OBSL1: variants seen among roughly 807,000 people sequenced by gnomAD.
The protein encoded by OBSL1 is obscurin like cytoskeletal adaptor 1.
OBSL1 carries 160 observed loss-of-function variants against 172.0 expected under a neutral mutation model. The observed-to-expected ratio is 0.93, with a 90% confidence interval of 0.82 to 1.06. OBSL1 has a LOEUF of 1.06. Ranked by LOEUF, OBSL1 falls within the 50% of genes least tolerant of loss-of-function variation. OBSL1 has a pLI of 0.00. For missense variants in OBSL1, 2,681 were observed against 2,715.4 expected (o/e 0.99, Z 0.28); for synonymous variants, 1,200 against 1,196.3 (o/e 1.00, Z -0.06).
chr2:219,558,373 C>A lies in OBSL1; in HGVS notation c.3313G>T (p.Val1105Leu), dbSNP rs746812963. 1 of 1,611,226 alleles carries A rather than the reference C, an allele frequency of 6.2e-7. No individual in the cohort carries two copies. Among genetic ancestry groups the A allele is most frequent in the East Asian group, 2.2e-5 (1 of 44,808 alleles). The change falls in exon 10 of 21, where the codon GTG becomes TTG. Residue 1105 changes from valine to leucine, a missense_variant. Val to Leu is a conservative substitution (Grantham distance 32). Around this residue, in one of 5 missense-constraint regions of OBSL1, gnomAD observed 1,765 missense variants for 1,748.3 expected, o/e 1.01. Transcript: ENST00000404537. ...CGCACCTGAGACCCAGCTGGGGCCA[C>A]CTCACAGCGCAGCTCCACGCGCCCT... ...APGRVELRCEVAPAGSQVRWY... is the reference protein window; with the variant it reads ...APGRVELRCELAPAGSQVRWY...
downstream of OBSL1, chr2:219,549,983 A>T: frequency 8.0e-7 from 1 of 1,257,160 alleles, no homozygotes; most frequent in Non-Finnish European, 1.1e-6. Flanking sequence ...CCTGGTCACT[A>T]GAAGGGAGGA....
intron 9 of OBSL1, 22 bp from the exon 10 acceptor site, chr2:219,558,481 G>T: frequency 6.5e-7 from 1 of 1,542,548 alleles, no homozygotes. Context: ...GCATGGAGAG[G>T]GGCACATAGG....
chr2:219,552,622 G>A lies in OBSL1; in HGVS notation c.5222C>T (p.Thr1741Ile). The change falls in exon 18 of 21, where the codon ACC becomes ATC. Residue 1741 changes from threonine to isoleucine, a missense_variant. Physicochemically the swap from Thr to Ile is moderately conservative, Grantham distance 89. This residue lies in a region of OBSL1 where 1,765 missense variants were observed against 1,748.3 expected (regional missense o/e 1.01). Coordinates refer to ENST00000404537, the MANE Select transcript of OBSL1 (RefSeq NM_015311.3). ...CCCCGTGGTCTCGACCTCCGACACGGTGCACTCGAACGTAGCGCCGTCGCC... is the reference window on the plus strand; with the variant it reads ...CCCCGTGGTCTCGACCTCCGACACGATGCACTCGAACGTAGCGCCGTCGCC... ...REGDGATFEC[T>I]VSEVETTGRW... 6.4e-7 allele frequency: 1 copy of A among 1,570,282 alleles called. No homozygotes were observed. Among genetic ancestry groups the A allele is most frequent in the Non-Finnish European group, 8.6e-7 (1 of 1,164,118 alleles).
intron 14 of OBSL1, 131 bp from the exon 15 acceptor site, chr2:219,554,871 G>C: frequency 9.7e-7 from 1 of 1,026,698 alleles, no homozygotes; most frequent in Non-Finnish European, 1.4e-6. Flanking sequence ...AAAAAGTTCG[G>C]AACCAGGGTG....
intron 6 of OBSL1, 36 bp downstream of exon 6, chr2:219,565,206 T>G (rs745391296): frequency 1.3e-6 from 2 of 1,572,856 alleles, no homozygotes; most frequent in East Asian, 2.3e-5. Context: ...ACAATCAGCC[T>G]TGGCTGGAGG....
intron 20 of OBSL1, 157 bp downstream of exon 20, chr2:219,551,372 G>A: frequency 1.4e-6 from 2 of 1,383,058 alleles, no homozygotes. Context: ...TCCAGCCCTG[G>A]GTGTGCTCTA....
Sources: gnomAD v4.1 joint callset for allele counts on GRCh38, gnomAD v4.1.1 for gene constraint, gnomAD v4.1.1 regional missense constraint, MANE v1.5 for transcripts, NCBI Gene and HGNC (gene_info 2026-07-23, HGNC 2026-07-21) for gene names.